The following TUBGCP2 variants were observed in gnomAD, a reference collection of about 807,000 sequenced individuals.
TUBGCP2 encodes tubulin gamma complex component 2, also known as gamma-tubulin complex component 2.
In TUBGCP2, 55 loss-of-function variants were observed where a neutral mutation model predicts 92.2. The observed-to-expected ratio is 0.60, with a 90% CI of 0.48 to 0.75. TUBGCP2 has a LOEUF of 0.75. Among genes scored for constraint, TUBGCP2 ranks in the 30% least tolerant of loss-of-function variants. The pLI, the probability that TUBGCP2 is intolerant of heterozygous loss-of-function variation, is 0.00. For missense variants in TUBGCP2, 1,093 were observed against 1,188.9 expected (o/e 0.92, Z 1.19); for synonymous variants, 533 against 505.2 (o/e 1.06, Z -0.74).
upstream of TUBGCP2, chr10:133,312,055 G>A: frequency 6.8e-7 from 1 of 1,479,666 alleles, no homozygotes; most frequent in Non-Finnish European, 8.9e-7. Flanking sequence ...AGCCATTGAA[G>A]CGCAGGAATG....
At chr10:133,286,729 G>A (rs968168064) in intron 11 of TUBGCP2, among the ~76,000 whole-genome samples, 6 of 151,922 alleles carry the variant, frequency 3.9e-5, no homozygotes, top group African/African-American at 1.2e-4. Flanking sequence ...TTAGAAACAA[G>A]CAACAGAAGG....
chr10:133,306,732 G>A (rs1234053865), intron 1 of TUBGCP2, among the ~76,000 whole-genome samples: 1 of 152,148 alleles, frequency 6.6e-6, no homozygotes, highest in Non-Finnish European at 1.5e-5. Flanking sequence ...AGCTTGCAGT[G>A]AGCCAAGATC....
At position 133,289,963 on chromosome 10, in the gene TUBGCP2, A is replaced by G. The variant is rs1847240573; in HGVS notation, c.1221T>C (p.Phe407=). ...TCCGCAGCTCGTGCTCCTCGACCATAAACTCACTAAAACCACAGGGAGCGC... is the reference window on the plus strand; with the variant it reads ...TCCGCAGCTCGTGCTCCTCGACCATGAACTCACTAAAACCACAGGGAGCGC... ...RGIIHDPYSE[F]MVEEHELRKE... Residue 407 remains phenylalanine, a synonymous_variant, in exon 9 of 18, where the codon TTT becomes TTC. Coordinates refer to ENST00000252936, the MANE Select transcript of TUBGCP2 (RefSeq NM_006659.4). 3 of 1,613,262 alleles carry G rather than the reference A, an allele frequency of 1.9e-6. No individual in the cohort carries two copies. The highest frequency in any genetic ancestry group is 2.5e-6 in the Non-Finnish European group (3 of 1,179,412).
At chr10:133,311,588 A>T, upstream of TUBGCP2, 1 of 789,698 alleles carries the variant, frequency 1.3e-6, no homozygotes, top group Non-Finnish European at 2.0e-6. Context: ...AAATCAGACT[A>T]TGCCAAAATA....
At chr10:133,306,168 A>C (rs1225380730) in intron 1 of TUBGCP2, among the ~76,000 whole-genome samples, 3 of 152,246 alleles carry the variant, frequency 2.0e-5, no homozygotes, top group African/African-American at 7.2e-5. Context: ...ATTGGGTCCC[A>C]ATCACTGACA....
chr10:133,299,707 G>T, intron 3 of TUBGCP2, 104 bp from the exon 4 acceptor site: 1 of 1,049,318 alleles, frequency 9.5e-7, no homozygotes, highest in Non-Finnish European at 1.4e-6. Context: ...ACCCTGACAG[G>T]CACCCATTAA....
At chr10:133,288,815 G>C in intron 10 of TUBGCP2, 25 bp downstream of exon 10, 1 of 1,574,612 alleles carries the variant, frequency 6.4e-7, no homozygotes, top group East Asian at 2.3e-5. Context: ...GTGAGTGCCC[G>C]CACAGGGACA....
At chr10:133,301,014 G>A (rs1164606356) in intron 2 of TUBGCP2, among the ~76,000 whole-genome samples, 1 of 152,112 alleles carries the variant, frequency 6.6e-6, no homozygotes, top group Non-Finnish European at 1.5e-5. Flanking sequence ...TTTCCCCCCA[G>A]TAGTTTATGC....
Position 133,283,941 on chromosome 10 carries a change from A to G in TUBGCP2, c.2086T>C (p.Tyr696His). Residue 696 changes from tyrosine to histidine, a missense_variant, in exon 14 of 18, where the codon TAC (tyrosine) becomes CAC (histidine). By Grantham distance (83) the Tyr-to-His change is moderately conservative. Coordinates refer to ENST00000252936, the MANE Select transcript of TUBGCP2 (RefSeq NM_006659.4). Reference protein sequence around the residue: ...MLNFVQNIQYYMMFEVMEPTW... With the variant: ...MLNFVQNIQYHMMFEVMEPTW... ...GGTTCCATCACTTCAAACATCATGT[A>G]GTATTGAATATTCTGGACGAAGTTG... is the stretch of plus-strand genomic sequence containing the variant. The G allele has an allele frequency of 6.2e-7, 1 of 1,614,160 alleles. No homozygotes were observed.
At chr10:133,293,362 G>A (rs1285930956) in intron 6 of TUBGCP2, 124 bp from the exon 7 acceptor site, 13 of 1,283,754 alleles carry the variant, frequency 1.0e-5, no homozygotes, top group Non-Finnish European at 1.4e-5. Flanking sequence ...TCCCAGAGGG[G>A]AACTTTTGCC....
chr10:133,289,735 C>T, intron 9 of TUBGCP2, 89 bp downstream of exon 9: 1 of 1,405,166 alleles, frequency 7.1e-7, no homozygotes, highest in African/African-American at 1.5e-5. Flanking sequence ...GGGTGAGGCA[C>T]AGGCTCCCGG....
At chr10:133,310,076 C>A, upstream of TUBGCP2, 1 of 1,609,842 alleles carries the variant, frequency 6.2e-7, no homozygotes, top group East Asian at 2.2e-5. Flanking sequence ...GCCGGGGACA[C>A]CTTTCCGCCC....
rs530380254 is a variant in TUBGCP2 at position 133,302,439 on chromosome 10, G to C, written c.150+353C>G. On this transcript the variant is annotated intron_variant, in intron 2 of 17. Transcript: ENST00000252936. ...GGCGCTCACCCTGCACCCTGCACCAGAGGTGGCGCTCACCCTGCCCCCTGC... is the reference window on the plus strand; with the variant it reads ...GGCGCTCACCCTGCACCCTGCACCACAGGTGGCGCTCACCCTGCCCCCTGC... 72 of 295,506 alleles carry C rather than the reference G, an allele frequency of 2.4e-4. 1 individual carries two copies. The highest frequency in any genetic ancestry group is 1.2e-3 in the Middle Eastern group (1 of 842). The allele number at this position is 295,506 out of a possible 1,614,324, so 18.3% of individuals were successfully genotyped here.
At chr10:133,305,529 T>C (rs182393343) in intron 1 of TUBGCP2, among the ~76,000 whole-genome samples, 1 of 152,320 alleles carries the variant, frequency 6.6e-6, no homozygotes, top group Non-Finnish European at 1.5e-5. Flanking sequence ...CTTGCGTCTT[T>C]ATTTTTACAA....
At chr10:133,309,309 G>A, upstream of TUBGCP2, 2 of 1,515,886 alleles carry the variant, frequency 1.3e-6, no homozygotes. Flanking sequence ...GGATGACTGG[G>A]GCCACGGGTG....
intron 7 of TUBGCP2, 120 bp downstream of exon 7, chr10:133,292,919 C>G: frequency 8.1e-7 from 1 of 1,233,590 alleles, no homozygotes; most frequent in East Asian, 2.5e-5. Flanking sequence ...TGAGCTTTGG[C>G]CACACGCCCC....
chr10:133,300,163 T>A (rs1275423963), intron 2 of TUBGCP2, 50 bp from the exon 3 acceptor site: 1 of 1,577,582 alleles, frequency 6.3e-7, no homozygotes, highest in Non-Finnish European at 8.6e-7. Flanking sequence ...AATAAAGCAC[T>A]GTAAAAAAAA....
intron 2 of TUBGCP2, among the ~76,000 whole-genome samples, chr10:133,300,997 C>G (rs1564773064): frequency 1.3e-5 from 2 of 152,074 alleles, no homozygotes; most frequent in African/African-American, 4.8e-5. Context: ...AGAGTAGCGA[C>G]TTACCTTTTC....
At chr10:133,288,580 G>A (rs1046229037) in intron 10 of TUBGCP2, among the ~76,000 whole-genome samples, 2 of 152,264 alleles carry the variant, frequency 1.3e-5, no homozygotes, top group African/African-American at 4.8e-5. Context: ...CACCACGCAA[G>A]CTGTGGCAGG....
Sources: gnomAD v4.1 joint callset for allele counts (sites outside exome capture counted in the v4.1 genomes callset) on GRCh38, gnomAD v4.1.1 for gene constraint, MANE v1.5 for transcripts, NCBI Gene and HGNC (gene_info 2026-07-23, HGNC 2026-07-21) for gene names.